The following CTNNA3 variants were observed in gnomAD, a reference collection of about 807,000 sequenced individuals.
CTNNA3 encodes catenin alpha-3.
CTNNA3 carries 76 observed loss-of-function variants against 95.7 expected under a neutral mutation model. The observed-to-expected ratio is 0.79, with a 90% confidence interval of 0.66 to 0.96. The LOEUF (loss-of-function observed/expected upper bound fraction) is 0.96. Among genes scored for constraint, CTNNA3 ranks in the 40% least tolerant of loss-of-function variants. The pLI is 0.00. For synonymous variants in CTNNA3, 431 were observed against 374.4 expected (o/e 1.15, Z -1.74); for missense variants, 1,191 against 1,089.8 (o/e 1.09, Z -1.31).
At chr10:67,062,475 T>A (rs1855817104) in intron 7 of CTNNA3, among the ~76,000 whole-genome samples, 1 of 152,168 alleles carries the variant, frequency 6.6e-6, no homozygotes, top group African/African-American at 2.4e-5. Context: ...GTACATTCAT[T>A]GTATTTCAAT....
At chr10:66,210,813 T>C (rs1411844695) in intron 13 of CTNNA3, among the ~76,000 whole-genome samples, 1 of 152,196 alleles carries the variant, frequency 6.6e-6, no homozygotes, top group African/African-American at 2.4e-5. Flanking sequence ...TAGTTTACAA[T>C]TGTGTTTAGA....
chr10:66,514,426 A>G (rs1840768464), intron 11 of CTNNA3, among the ~76,000 whole-genome samples: 1 of 152,198 alleles, frequency 6.6e-6, no homozygotes, highest in South Asian at 2.1e-4. Context: ...AGAATAAAAC[A>G]CATCTTCAAC....
intron 5 of CTNNA3, among the ~76,000 whole-genome samples, chr10:67,495,552 G>C (rs947872057): frequency 1.3e-5 from 2 of 152,138 alleles, no homozygotes; most frequent in African/African-American, 4.8e-5. Context: ...TGGTAGACCA[G>C]CACAAAAACA....
At chr10:67,220,360 T>C (rs918637676) in intron 5 of CTNNA3, among the ~76,000 whole-genome samples, 1 of 152,222 alleles carries the variant, frequency 6.6e-6, no homozygotes, top group Non-Finnish European at 1.5e-5. Flanking sequence ...AAATTAATCC[T>C]ATATCATTCT....
intron 5 of CTNNA3, among the ~76,000 whole-genome samples, chr10:67,310,947 A>G (rs778521689): frequency 7.9e-5 from 12 of 152,216 alleles, no homozygotes; most frequent in Non-Finnish European, 8.8e-5. Flanking sequence ...GTATTTTATA[A>G]TAAAGATAAT....
intron 9 of CTNNA3, among the ~76,000 whole-genome samples, chr10:66,678,811 G>A (rs1294075569): frequency 6.6e-6 from 1 of 152,088 alleles, no homozygotes; most frequent in Non-Finnish European, 1.5e-5. Context: ...AACTAAGGGG[G>A]GAAAAACATG....
chr10:66,218,981 CCTTT>C (rs1374029009), intron 13 of CTNNA3, among the ~76,000 whole-genome samples: 1 of 152,156 alleles, frequency 6.6e-6, no homozygotes, highest in African/African-American at 2.4e-5. Flanking sequence ...CCATTGTTCT[CCTTT>C]CTTATTAGAA....
intron 6 of CTNNA3, among the ~76,000 whole-genome samples, chr10:67,181,081 G>A (rs1437686109): frequency 3.9e-5 from 6 of 152,104 alleles, no homozygotes; most frequent in Admixed American, 2.0e-4. Context: ...AAACAGTGAC[G>A]TTCAGACAAG....
At chr10:66,506,540 C>G (rs1452427069) in intron 11 of CTNNA3, among the ~76,000 whole-genome samples, 1 of 152,122 alleles carries the variant, frequency 6.6e-6, no homozygotes, top group Non-Finnish European at 1.5e-5. Context: ...TCCTCAGTAT[C>G]CTGACAGTAC....
intron 7 of CTNNA3, among the ~76,000 whole-genome samples, chr10:67,108,145 T>C (rs997466024): frequency 2.0e-5 from 3 of 152,210 alleles, no homozygotes; most frequent in African/African-American, 7.2e-5. Context: ...ATATTTTTAA[T>C]TTATGAATGC....
chr10:67,064,324 C>T (rs1023290662), intron 7 of CTNNA3, among the ~76,000 whole-genome samples: 1 of 152,022 alleles, frequency 6.6e-6, no homozygotes, highest in Non-Finnish European at 1.5e-5. Flanking sequence ...ATTTCATTTT[C>T]TACAATGATC....
At chr10:67,136,820 G>C (rs1244833198) in intron 7 of CTNNA3, among the ~76,000 whole-genome samples, 1 of 152,150 alleles carries the variant, frequency 6.6e-6, no homozygotes, top group African/African-American at 2.4e-5. Context: ...GGGGAAGGAA[G>C]AGTAAAAGCC....
intron 13 of CTNNA3, among the ~76,000 whole-genome samples, chr10:66,129,617 A>G (rs763741658): frequency 6.6e-6 from 1 of 152,072 alleles, no homozygotes; most frequent in Non-Finnish European, 1.5e-5. Flanking sequence ...CCCTCAGTCT[A>G]CTGGCCTCTT....
intron 13 of CTNNA3, among the ~76,000 whole-genome samples, chr10:66,157,409 A>ATAGGTAGG (rs3053719): frequency 6.6e-6 from 1 of 150,940 alleles, no homozygotes; most frequent in African/African-American, 2.4e-5. Context: ...TCTATCATAG[A>ATAGGTAGG]TAGGTAGGTA....
intron 5 of CTNNA3, among the ~76,000 whole-genome samples, chr10:67,345,204 G>T (rs560807117): frequency 6.6e-6 from 1 of 152,058 alleles, no homozygotes; most frequent in East Asian, 1.9e-4. Context: ...GGTCAGAGAA[G>T]ATGCTTGATA....
At chr10:66,644,279 T>G (rs79322634) in intron 9 of CTNNA3, among the ~76,000 whole-genome samples, 3 of 96,682 alleles carry the variant, frequency 3.1e-5, no homozygotes, top group African/African-American at 1.0e-4. Context: ...TCTGTCTGTC[T>G]GTCTGTCTGT....
intron 5 of CTNNA3, among the ~76,000 whole-genome samples, chr10:67,286,919 G>A (rs998689415): frequency 6.6e-6 from 1 of 152,160 alleles, no homozygotes; most frequent in Non-Finnish European, 1.5e-5. Flanking sequence ...CAGCTCTACT[G>A]AAAGAAACCC....
At chr10:65,992,584 G>A (rs192450199) in intron 15 of CTNNA3, among the ~76,000 whole-genome samples, 148 of 152,094 alleles carry the variant, frequency 9.7e-4, no homozygotes, top group African/African-American at 3.4e-3. Flanking sequence ...GATGTCAATT[G>A]TAATGCCTCC....
At chr10:67,501,054 T>C (rs529431131) in intron 5 of CTNNA3, among the ~76,000 whole-genome samples, 6 of 152,376 alleles carry the variant, frequency 3.9e-5, no homozygotes, top group African/African-American at 1.2e-4. Flanking sequence ...AGTTTCTTCA[T>C]AGTGCCGATG....
Sources: gnomAD v4.1 joint callset for allele counts (sites outside exome capture counted in the v4.1 genomes callset) on GRCh38, gnomAD v4.1.1 for gene constraint, MANE v1.5 for transcripts, NCBI Gene and HGNC (gene_info 2026-07-23, HGNC 2026-07-21) for gene names.